The following E2F7 variants were observed in gnomAD, a reference collection of about 807,000 sequenced individuals.
E2F7 encodes the protein E2F transcription factor 7.
E2F7 carries 35 observed loss-of-function variants against 81.1 expected under a neutral mutation model. The ratio of observed to expected loss-of-function variants is 0.43; its 90% confidence interval spans 0.33 to 0.57. The LOEUF (loss-of-function observed/expected upper bound fraction) is 0.57. Ranked by LOEUF, E2F7 falls within the 20% of genes least tolerant of loss-of-function variation. E2F7 has a pLI of 0.04. For synonymous variants in E2F7, 416 were observed against 416.2 expected (o/e 1.00, Z 0.01); for missense variants, 961 against 1,093.7 (o/e 0.88, Z 1.71).
Position 77,033,098 on chromosome 12 carries a change from A to G in E2F7, c.1334T>C (p.Ile445Thr), listed in dbSNP as rs1195925377. Residue 445 changes from isoleucine (I) to threonine (T), a missense_variant, in exon 9 of 13, where the codon ATT becomes ACT. Around this residue, in one of 3 missense-constraint regions of E2F7, gnomAD observed 587 missense variants for 620.3 expected, o/e 0.95. Transcript: ENST00000322886. ...TCTATAGACAGCTGCCAGGCTTCCA[A>G]TTTCTAAAGAGTAGCCACCTGATCC... Reference protein sequence around the residue: ...EQGSGGYSLEIGSLAAVYRQK... With the variant: ...EQGSGGYSLETGSLAAVYRQK... 4 of 1,613,920 alleles carry G rather than the reference A, an allele frequency of 2.5e-6. No individual in the cohort carries two copies. Among genetic ancestry groups the G allele is most frequent in the South Asian group, 1.1e-5 (1 of 91,058 alleles).
Position 77,030,083 on chromosome 12 carries a change from C to T in E2F7, c.1632G>A (p.Gln544=). 6.2e-7 allele frequency: 1 copy of T among 1,614,220 alleles called. No homozygotes were observed. The highest frequency in any genetic ancestry group is 8.5e-7 in the Non-Finnish European group (1 of 1,180,052). ...ESLKPALLAG[Q]PLVYVPSASL... ...AGGCAGAGGGCACATACACTAGAGG[C>T]TGGCCAGCAAGGAGTGCTGGCTTCA... is the stretch of plus-strand genomic sequence containing the variant. Residue 544 remains glutamine, a synonymous_variant, in exon 10 of 13, where the codon CAG becomes CAA. Coordinates refer to ENST00000322886, the MANE Select transcript of E2F7 (RefSeq NM_203394.3).
intron 6 of E2F7, among the ~76,000 whole-genome samples, 197 bp from the exon 7 acceptor site, chr12:77,043,396 T>A (rs1954910416): frequency 6.6e-6 from 1 of 151,906 alleles, no homozygotes; most frequent in Admixed American, 6.6e-5. Flanking sequence ...TAAGGGAAGG[T>A]CAGTGTGTCC....
At chr12:77,033,225 A>G (rs181327313) in intron 8 of E2F7, 103 bp from the exon 9 acceptor site, 171 of 1,036,546 alleles carry the variant, frequency 1.6e-4, no homozygotes, top group Admixed American at 1.2e-3. Flanking sequence ...CTCAGCTCAA[A>G]GATTACTCAA....
intron 2 of E2F7, among the ~76,000 whole-genome samples, chr12:77,061,680 C>T (rs1290536332): frequency 6.6e-6 from 1 of 152,146 alleles, no homozygotes; most frequent in African/African-American, 2.4e-5. Context: ...AGACCTTGAC[C>T]AACGGGCAAA....
Position 77,044,796 on chromosome 12 carries a change from C to T in E2F7, c.830-1G>A. The T allele has an allele frequency of 6.2e-7, 1 of 1,612,688 alleles. No individual in the cohort carries two copies. Among genetic ancestry groups the T allele is most frequent in the Non-Finnish European group, 8.5e-7 (1 of 1,179,564 alleles). On this transcript the variant is annotated splice_acceptor_variant, in intron 5 of 12. Transcript: ENST00000322886. LOFTEE classifies it high-confidence loss of function. ...TTGTCTTTTCTACTGTTTGCAGATG[C>T]TACACAAGGAATGAAACAAAAGCAT...
chr12:77,064,446 C>G, intron 2 of E2F7, 97 bp downstream of exon 2: 10 of 983,490 alleles, frequency 1.0e-5, no homozygotes, highest in Non-Finnish European at 1.6e-5. Flanking sequence ...AATTATTATG[C>G]TTAAATACAA....
At chr12:77,030,624 T>C (rs1473450736) in intron 9 of E2F7, among the ~76,000 whole-genome samples, 1 of 152,228 alleles carries the variant, frequency 6.6e-6, no homozygotes, top group Non-Finnish European at 1.5e-5. Context: ...AGTTATCAAT[T>C]ATCAAGCACT....
intron 2 of E2F7, among the ~76,000 whole-genome samples, chr12:77,056,904 A>T (rs1325580391): frequency 6.2e-4 from 68 of 108,814 alleles, no homozygotes; most frequent in African/African-American, 1.2e-3. Flanking sequence ...TTTTTTTTTT[A>T]AAAGATAGGG....
intron 7 of E2F7, among the ~76,000 whole-genome samples, chr12:77,034,943 A>C (rs1954836405): frequency 6.6e-6 from 1 of 152,248 alleles, no homozygotes; most frequent in South Asian, 2.1e-4. Context: ...AAAATCAGAA[A>C]TTACGAAATC....
chr12:77,025,431 T>C, intron 12 of E2F7, 127 bp downstream of exon 12: 1 of 1,049,676 alleles, frequency 9.5e-7, no homozygotes, highest in Non-Finnish European at 1.4e-6. Flanking sequence ...ACTCTAGGTC[T>C]ACAACGGAAG....
intron 3 of E2F7, among the ~76,000 whole-genome samples, chr12:77,055,520 T>G (rs1205674205): frequency 1.3e-5 from 2 of 152,144 alleles, no homozygotes; most frequent in Non-Finnish European, 2.9e-5. Context: ...ATATTTACAT[T>G]AACATTATCC....
intron 12 of E2F7, 67 bp downstream of exon 12, chr12:77,025,491 A>G: frequency 6.4e-7 from 1 of 1,556,662 alleles, no homozygotes; most frequent in Non-Finnish European, 8.7e-7. Flanking sequence ...TGTGGCTAAA[A>G]TGAAAGCTAA....
chr12:77,050,508 C>T (rs1007099751), intron 4 of E2F7, 68 bp downstream of exon 4: 4 of 1,561,032 alleles, frequency 2.6e-6, no homozygotes, highest in African/African-American at 1.4e-5. Context: ...AAGCCTTCAG[C>T]CTGCCCAAGG....
At chr12:77,026,298 C>T (rs1400573593) in intron 11 of E2F7, among the ~76,000 whole-genome samples, 1 of 151,972 alleles carries the variant, frequency 6.6e-6, no homozygotes, top group East Asian at 1.9e-4. Context: ...TATTTATTTA[C>T]TTATTTTTTG....
At chr12:77,037,437 AAAC>A (rs1260164922) in intron 7 of E2F7, among the ~76,000 whole-genome samples, 2 of 152,198 alleles carry the variant, frequency 1.3e-5, no homozygotes, top group African/African-American at 4.8e-5. Flanking sequence ...CCAAAAAAAC[AAAC>A]AAAAAAACCC....
chr12:77,063,470 G>A (rs1361727461), intron 2 of E2F7, among the ~76,000 whole-genome samples: 1 of 152,108 alleles, frequency 6.6e-6, no homozygotes, highest in Non-Finnish European at 1.5e-5. Context: ...GATGGAAAAG[G>A]CACTAAATTT....
intron 1 of E2F7, among the ~76,000 whole-genome samples, chr12:77,065,067 C>G (rs1955107661): frequency 6.6e-6 from 1 of 152,178 alleles, no homozygotes; most frequent in Non-Finnish European, 1.5e-5. Flanking sequence ...ACCCACTCAG[C>G]GCTGAGCGCA....
In E2F7 at chr12:77,042,189, A is replaced by G. The variant is rs540104876; in HGVS notation, c.1123+876T>C. 2.9e-4 allele frequency among the ~76,000 whole-genome samples: 44 copies of G among 152,302 alleles called. No individual in the cohort carries two copies. The South Asian group carries it at 8.3e-3, about 29-fold the overall frequency. On this transcript the variant is annotated intron_variant, in intron 7 of 12. Transcript: ENST00000322886. ...AGGGACTGTGTTACCCACATCTTCA[A>G]TCTCTCAGGGCCCTTAATATAGTCA...
chr12:77,040,089 G>C (rs1592559423), intron 7 of E2F7, among the ~76,000 whole-genome samples: 3 of 152,190 alleles, frequency 2.0e-5, no homozygotes, highest in Admixed American at 2.0e-4. Context: ...GGACATAAAG[G>C]GTTAGGTTCC....
Sources: allele counts gnomAD v4.1 joint callset (sites outside exome capture counted in the v4.1 genomes callset), GRCh38; gene constraint gnomAD v4.1.1; regional missense constraint gnomAD v4.1.1; transcripts MANE v1.5; gene names NCBI Gene and HGNC (gene_info 2026-07-23, HGNC 2026-07-21).